Variants in AKNA observed in about 807,000 individuals in gnomAD.
The protein encoded by AKNA is AT-hook transcription factor.
In AKNA, 67 loss-of-function variants were observed where a neutral mutation model predicts 138.8. The ratio of observed to expected loss-of-function variants is 0.48; its 90% CI spans 0.40 to 0.59. The LOEUF (loss-of-function observed/expected upper bound fraction) is 0.59, where lower values mean the gene tolerates loss of function less well. Ranked by LOEUF, AKNA falls within the 20% of genes least tolerant of loss-of-function variation. The pLI is 0.00. For missense variants in AKNA, 1,813 were observed against 1,880.4 expected, an observed-to-expected ratio of 0.96 and a Z score of 0.66; for synonymous variants, 737 against 754.4, an observed-to-expected ratio of 0.98 and a Z score of 0.38.
rs1829973403 is a variant in AKNA, at chr9:114,335,950, G to A, written c.*1104C>T. On this transcript the variant is annotated 3_prime_UTR_variant, in exon 22 of 22. Coordinates refer to ENST00000374088, the MANE Select transcript of AKNA (RefSeq NM_001317950.2). ...ACCTCAAGGCCCTCCGCAGTTGAAA[G>A]ATTTATGGTTCTGAGATAGGCAAAG... 6.6e-6 allele frequency: 1 copy of A among 152,180 alleles called. No homozygotes were observed. The allele number at this position is 152,180 out of a possible 1,614,324, so 9.4% of individuals were successfully genotyped here.
In AKNA at chr9:114,355,918, C is replaced by T. The variant is rs759667837; in HGVS notation, c.3058+7G>A. 2.5e-6 allele frequency: 4 copies of T among 1,613,960 alleles called. No individual in the cohort carries two copies. Among genetic ancestry groups the T allele is most frequent in the African/African-American group, 1.3e-5 (1 of 74,952 alleles). On this transcript the variant is annotated splice_region_variant and intron_variant, in intron 14 of 21. Transcript: ENST00000374088. Reference sequence around the variant, plus strand: ...CAGTTCTGTCCAAGTCAGACTCCTGCACTCACCCATCTCGGCTGCCAGTGT... The same window carrying T: ...CAGTTCTGTCCAAGTCAGACTCCTGTACTCACCCATCTCGGCTGCCAGTGT...
At chr9:114,379,031 C>G (rs886678703) in intron 2 of AKNA, among the ~76,000 whole-genome samples, 2 of 152,252 alleles carry the variant, frequency 1.3e-5, no homozygotes, top group African/African-American at 4.8e-5. Flanking sequence ...CTTACAGCAG[C>G]ATACTTGAAG....
chr9:114,353,266 T>G (rs1831259553), intron 14 of AKNA, among the ~76,000 whole-genome samples: 1 of 151,882 alleles, frequency 6.6e-6, no homozygotes, highest in Non-Finnish European at 1.5e-5. Context: ...TTTTTGTTTT[T>G]TTTTTTTATG....
intron 19 of AKNA, among the ~76,000 whole-genome samples, chr9:114,343,055 G>A (rs1161626227): frequency 6.6e-6 from 1 of 152,186 alleles, no homozygotes; most frequent in African/African-American, 2.4e-5. Flanking sequence ...TCTGAGCCTT[G>A]GTGTCCTTGT....
rs372460085 is a variant in AKNA at position 114,357,724 on chromosome 9, G to A, written c.2739+197C>T. ...GCAAGCTCTCAGAGGAGGAACAAGAGCTCCGGAAGAGGGACAGGTTTGGGG... is the reference window on the plus strand; with the variant it reads ...GCAAGCTCTCAGAGGAGGAACAAGAACTCCGGAAGAGGGACAGGTTTGGGG... On this transcript the variant is annotated intron_variant, in intron 12 of 21. Coordinates refer to ENST00000374088, the MANE Select transcript of AKNA (RefSeq NM_001317950.2). 1.2e-3 allele frequency among the ~76,000 whole-genome samples: 181 copies of A among 152,314 alleles called. 6 individuals are homozygous for A. The South Asian group carries it at 0.033, about 28-fold the overall frequency.
intron 2 of AKNA, among the ~76,000 whole-genome samples, chr9:114,380,685 C>T (rs994828799): frequency 1.3e-5 from 2 of 151,942 alleles, no homozygotes; most frequent in African/African-American, 4.8e-5. Flanking sequence ...CCCTTCCTCC[C>T]TGGAAGAATG....
intron 4 of AKNA, among the ~76,000 whole-genome samples, chr9:114,372,491 C>A (rs1234601063): frequency 1.3e-5 from 2 of 152,218 alleles, no homozygotes. Flanking sequence ...TTACAAAGTG[C>A]CTGCCTAGTG....
intron 2 of AKNA, among the ~76,000 whole-genome samples, chr9:114,379,890 T>C (rs1038245249): frequency 6.6e-6 from 1 of 152,168 alleles, no homozygotes; most frequent in African/African-American, 2.4e-5. Flanking sequence ...ACGGCTCGCA[T>C]CTGTAATCCC....
At chr9:114,370,826 C>G (rs1392824190) in intron 4 of AKNA, among the ~76,000 whole-genome samples, 1 of 152,110 alleles carries the variant, frequency 6.6e-6, no homozygotes, top group African/African-American at 2.4e-5. Flanking sequence ...GAAGATGTTT[C>G]CCCAACTCAT....
At position 114,377,294 on chromosome 9, in the gene AKNA, C is replaced by A; in HGVS notation, c.513G>T (p.Trp171Cys). Residue 171 changes from tryptophan to cysteine, a missense_variant, in exon 3 of 22, where the codon TGG becomes TGT. Trp to Cys is a radical substitution (Grantham distance 215). Transcript: ENST00000374088. ...MALGHGQARG[W>C]VASGEQASGD... Reference sequence around the variant, plus strand: ...CACTGGCTTGTTCGCCAGAAGCCACCCAGCCCCTGGCCTGACCATGCCCAA... The same window carrying A: ...CACTGGCTTGTTCGCCAGAAGCCACACAGCCCCTGGCCTGACCATGCCCAA... 3 of 1,614,154 alleles carry A rather than the reference C, an allele frequency of 1.9e-6. No individual in the cohort carries two copies. Among genetic ancestry groups the A allele is most frequent in the Non-Finnish European group, 2.5e-6 (3 of 1,180,012 alleles).
At chr9:114,375,869 A>G (rs1349933077) in intron 3 of AKNA, 1 of 400,588 alleles carries the variant, frequency 2.5e-6, no homozygotes, top group African/African-American at 2.1e-5. Context: ...TTTTTGAGCA[A>G]AGGGCTTGGG....
upstream of AKNA, among the ~76,000 whole-genome samples, chr9:114,397,915 T>C (rs989516374): frequency 6.6e-6 from 1 of 151,934 alleles, no homozygotes; most frequent in African/African-American, 2.4e-5. Context: ...CGCGCGCGGC[T>C]CCGAGGGCCG....
At chr9:114,395,353 C>G (rs1834499911), upstream of AKNA, among the ~76,000 whole-genome samples, 1 of 152,066 alleles carries the variant, frequency 6.6e-6, no homozygotes, top group African/African-American at 2.4e-5. Context: ...TCCCTATCAC[C>G]CACCCTGACT....
At position 114,381,266 on chromosome 9, in the gene AKNA, C is replaced by A. The variant is rs768800137; in HGVS notation, c.68G>T (p.Arg23Leu). Reference sequence around the variant, plus strand: ...CCTCTTGTCCTCGGCCCAGGCCCAGCGCCGCCGCTGGGGGCCCTTCCCCAG... The same window carrying A: ...CCTCTTGTCCTCGGCCCAGGCCCAGAGCCGCCGCTGGGGGCCCTTCCCCAG... ...PGLGKGPQRR[R>L]WAWAEDKRDV... Residue 23 changes from arginine to leucine, a missense_variant, in exon 2 of 22, where the codon CGC becomes CTC. Transcript: ENST00000374088. 5 of 1,613,118 alleles carry A rather than the reference C, an allele frequency of 3.1e-6. No individual in the cohort carries two copies. The highest frequency in any genetic ancestry group is 1.1e-5 in the South Asian group (1 of 90,898).
In AKNA at chr9:114,381,198, GTC is replaced by G; in HGVS notation, c.134_135del (p.Arg45ThrfsTer49). On this transcript the variant is annotated frameshift_variant, in exon 2 of 22. Transcript: ENST00000374088. LOFTEE classifies it high-confidence loss of function. ...RSSSQSWEEE[R>X]LFPNATSPEL... ...TCGGGGCTGGTGGCATTGGGAAAGAGTCTCTCTTCTTCCCAGCTTTGTGAACT... is the reference window on the plus strand; with the variant it reads ...TCGGGGCTGGTGGCATTGGGAAAGAGTCTCTTCTTCCCAGCTTTGTGAACT... 4 of 1,614,246 alleles carry G rather than the reference GTC, an allele frequency of 2.5e-6. No individual in the cohort carries two copies. Among genetic ancestry groups the G allele is most frequent in the Non-Finnish European group, 3.4e-6 (4 of 1,180,034 alleles).
downstream of AKNA, chr9:114,334,112 C>T (rs1475025972): frequency 4.3e-4 from 57 of 133,222 alleles, no homozygotes; most frequent in African/African-American, 1.8e-3. Flanking sequence ...GCCATGCTTC[C>T]TCTGAAGCCT....
At chr9:114,331,820 C>T, downstream of AKNA, 3 of 1,613,272 alleles carry the variant, frequency 1.9e-6, no homozygotes, top group African/African-American at 2.7e-5. Context: ...CTTGCTCCCC[C>T]TGCAGCTGAC....
Position 114,361,761 on chromosome 9 carries a change from G to A in AKNA, c.2067C>T (p.His689=). The A allele has an allele frequency of 1.2e-6, 2 of 1,613,830 alleles. No individual in the cohort carries two copies. Among genetic ancestry groups the A allele is most frequent in the South Asian group, 2.2e-5 (2 of 91,066 alleles). ...PALPCLHQPT[H]LPAPSGQAPM... ...GGGCTTGTCCAGAAGGAGCAGGCAG[G>A]TGCGTTGGCTGATGGAGGCAGGGCA... Residue 689 remains histidine, a synonymous_variant, in exon 9 of 22, where the codon CAC becomes CAT. Transcript: ENST00000374088.
Position 114,341,637 on chromosome 9 carries a change from TG to T in AKNA, c.3962del (p.Pro1321HisfsTer75). On this transcript the variant is annotated frameshift_variant, in exon 21 of 22. Transcript: ENST00000374088. LOFTEE classifies it high-confidence loss of function. ...RSKQAGSSPR[P>X]PPGLWYLATA... Reference sequence around the variant, plus strand: ...TTGCCAGATACCACAGTCCGGGGGGTGGGCGTGGCGACGACCCCGCCTGCTT... The same window carrying T: ...TTGCCAGATACCACAGTCCGGGGGGTGGCGTGGCGACGACCCCGCCTGCTT... 1 of 1,609,822 alleles carries T rather than the reference TG, an allele frequency of 6.2e-7. No individual in the cohort carries two copies. The highest frequency in any genetic ancestry group is 8.5e-7 in the Non-Finnish European group (1 of 1,178,558).
Sources: allele counts gnomAD v4.1 joint callset (sites outside exome capture counted in the v4.1 genomes callset), GRCh38; gene constraint gnomAD v4.1.1; transcripts MANE v1.5; gene names NCBI Gene and HGNC (gene_info 2026-07-23, HGNC 2026-07-21).